SPATA21: variants seen among roughly 807,000 people sequenced by gnomAD.
SPATA21 encodes spermatogenesis associated 21.
SPATA21 carries 47 observed loss-of-function variants against 54.8 expected under a neutral mutation model. That is an observed-to-expected ratio of 0.86 (90% CI 0.68 to 1.09). The LOEUF is 1.09. SPATA21 is among the 50% of genes least tolerant of loss of function. The probability of loss-of-function intolerance (pLI) is 0.00; values close to 1 mark genes in which losing one functional copy is unlikely to be tolerated. For missense variants in SPATA21, 599 were observed against 596.4 expected (o/e 1.00, Z -0.05); for synonymous variants, 245 against 235.3 (o/e 1.04, Z -0.38).
intron 8 of SPATA21, among the ~76,000 whole-genome samples, chr1:16,404,549 G>T (rs2085565948): frequency 6.6e-6 from 1 of 152,202 alleles, no homozygotes; most frequent in Non-Finnish European, 1.5e-5. Context: ...GGGTGCGGTG[G>T]CTCACGCCTG....
chr1:16,414,893 C>CAAAAAAAAAAA (rs528947922), intron 5 of SPATA21, among the ~76,000 whole-genome samples: 24 of 74,322 alleles, frequency 3.2e-4, no homozygotes, highest in African/African-American at 6.2e-4. Context: ...AACCTCATCT[C>CAAAAAAAAAAA]AAAAAAAAAA....
At chr1:16,416,922 G>A (rs2086025601) in intron 5 of SPATA21, among the ~76,000 whole-genome samples, 1 of 152,202 alleles carries the variant, frequency 6.6e-6, no homozygotes, top group Non-Finnish European at 1.5e-5. Context: ...GCTTTCCTGA[G>A]CCTTGGGGCC....
chr1:16,420,092 T>C (rs74716457), intron 5 of SPATA21, among the ~76,000 whole-genome samples: 1 of 151,530 alleles, frequency 6.6e-6, no homozygotes, highest in Admixed American at 6.6e-5. Flanking sequence ...GGAGGGAGAC[T>C]GGGAAGGAGT....
At position 16,398,702 on chromosome 1, in the gene SPATA21, C is replaced by T; in HGVS notation, c.*63G>A. On this transcript the variant is annotated 3_prime_UTR_variant, in exon 13 of 13. Transcript: ENST00000335496. The stretch of plus-strand genomic sequence containing the variant: ...CAAAAGCAAATCCCAGCAGCAGCTC[C>T]TGCCTGGTGGCCCATCTGTCTACAG... The T allele has an allele frequency of 6.3e-7, 1 of 1,581,514 alleles. No individual in the cohort carries two copies. The highest frequency in any genetic ancestry group is 8.7e-7 in the Non-Finnish European group (1 of 1,151,052).
chr1:16,406,418 C>G (rs766820961), intron 7 of SPATA21, among the ~76,000 whole-genome samples: 10 of 152,170 alleles, frequency 6.6e-5, no homozygotes, highest in Non-Finnish European at 1.5e-4. Context: ...AGGGTGGGCC[C>G]TAATCCAATC....
At chr1:16,405,188 G>T (rs1165112198) in intron 7 of SPATA21, 84 bp from the exon 8 acceptor site, 74 of 1,524,254 alleles carry the variant, frequency 4.9e-5, no homozygotes, top group Non-Finnish European at 6.4e-5. Context: ...CCTCCTGCCA[G>T]CCTCCTCCAC....
chr1:16,424,582 T>A (rs1272658843), intron 3 of SPATA21, among the ~76,000 whole-genome samples: 1 of 151,844 alleles, frequency 6.6e-6, no homozygotes, highest in African/African-American at 2.4e-5. Context: ...CACATCCAGC[T>A]AACTTTGGTA....
chr1:16,407,672 C>G (rs372452248), intron 7 of SPATA21, among the ~76,000 whole-genome samples: 2 of 152,044 alleles, frequency 1.3e-5, no homozygotes, highest in Non-Finnish European at 2.9e-5. Flanking sequence ...GTTGGTCAGG[C>G]TGGTCTCGAA....
rs76123517 is a variant in SPATA21, at chr1:16,421,813, C to T, written c.95+98G>A. On this transcript the variant is annotated intron_variant, in intron 4 of 12. Transcript: ENST00000335496. This position sits in a 1 kb window ranked among gnomAD's most constrained non-coding sequence, Gnocchi z 5.2. The stretch of plus-strand genomic sequence containing the variant: ...GCATGACTTGCCCAAGGTCCTCTAC[C>T]AGGTCAGGAGCAGTCTGGACTAGAA... 13,188 of 1,570,058 alleles carry T rather than the reference C, an allele frequency of 8.4e-3. 821 individuals carry two copies. The African/African-American group carries it at 0.15, about 17-fold the overall frequency.
chr1:16,417,593 A>G (rs994323013), intron 5 of SPATA21, among the ~76,000 whole-genome samples: 1 of 151,896 alleles, frequency 6.6e-6, no homozygotes, highest in Non-Finnish European at 1.5e-5. Context: ...ACGCCTGGCT[A>G]ATTTTTTTGT....
At chr1:16,416,907 A>G (rs1024294105) in intron 5 of SPATA21, among the ~76,000 whole-genome samples, 2 of 152,186 alleles carry the variant, frequency 1.3e-5, no homozygotes, top group East Asian at 3.9e-4. Context: ...CCTCTGTCCC[A>G]GACAGCTTTC....
At position 16,437,226 on chromosome 1, in the gene SPATA21, C is replaced by T. The variant is rs2086607962; in HGVS notation, c.-285G>A. On this transcript the variant is annotated 5_prime_UTR_variant, in exon 1 of 13. Coordinates refer to ENST00000335496, the MANE Select transcript of SPATA21 (RefSeq NM_198546.1). ...TCTGAGCCTATACTTTGCCTGTTGG[C>T]TTGAATTGGATTTGTTTGGTATACA... The T allele has an allele frequency of 6.6e-6, 1 of 152,154 alleles. No individual in the cohort carries two copies. The highest frequency in any genetic ancestry group is 2.4e-5 in the African/African-American group (1 of 41,420). 9.4% of individuals were successfully genotyped at this position (152,154 alleles called of 1,614,324 possible).
At position 16,399,312 on chromosome 1, in the gene SPATA21, C is replaced by A. The variant is rs1035649689; in HGVS notation, c.1352+32G>T. 5 of 1,582,400 alleles carry A rather than the reference C, an allele frequency of 3.2e-6. No individual in the cohort carries two copies. The African/African-American group carries it at 6.8e-5, about 21-fold the overall frequency. On this transcript the variant is annotated intron_variant, in intron 12 of 12. Coordinates refer to ENST00000335496, the MANE Select transcript of SPATA21 (RefSeq NM_198546.1). ...CCTCTTAAGGAAGAATCTGGAAGGGCCTGGGCTGGGACCCTTTCTCTGGGC... is the reference window on the plus strand; with the variant it reads ...CCTCTTAAGGAAGAATCTGGAAGGGACTGGGCTGGGACCCTTTCTCTGGGC...
intron 3 of SPATA21, among the ~76,000 whole-genome samples, chr1:16,424,281 C>G (rs1259512884): frequency 1.6e-5 from 2 of 126,060 alleles, no homozygotes; most frequent in Admixed American, 8.5e-5. Flanking sequence ...CCACTGCACT[C>G]CAGCCTGGGC....
At chr1:16,415,527 A>G (rs973057951) in intron 5 of SPATA21, among the ~76,000 whole-genome samples, 3 of 152,118 alleles carry the variant, frequency 2.0e-5, no homozygotes, top group Non-Finnish European at 4.4e-5. Flanking sequence ...CAAGGTGGGT[A>G]GAAGTCTGTC....
chr1:16,412,981 A>C (rs2085895961), intron 5 of SPATA21, among the ~76,000 whole-genome samples: 1 of 151,326 alleles, frequency 6.6e-6, no homozygotes, highest in Non-Finnish European at 1.5e-5. Context: ...ACAAGGTTTC[A>C]CCATGTTGGC....
chr1:16,411,095 CTG>C (rs1481355237), intron 5 of SPATA21, among the ~76,000 whole-genome samples: 6 of 152,154 alleles, frequency 3.9e-5, no homozygotes, highest in African/African-American at 1.4e-4. Flanking sequence ...ATCAAAGACA[CTG>C]TGCTTACCAC....
chr1:16,403,772 AC>A lies in SPATA21; in HGVS notation c.955del (p.Val319Ter). 6.2e-7 allele frequency: 1 copy of A among 1,613,818 alleles called. No individual in the cohort carries two copies. Among genetic ancestry groups the A allele is most frequent in the South Asian group, 1.1e-5 (1 of 91,030 alleles). On this transcript the variant is annotated frameshift_variant, in exon 10 of 13. Coordinates refer to ENST00000335496, the MANE Select transcript of SPATA21 (RefSeq NM_198546.1). LOFTEE classifies it high-confidence loss of function. ...TGCCTCTGGTAAGGCCAGCATCTCT[AC>A]CAGCAGGGACAGGATCTCAAAGAGT... Reference protein sequence around the residue: ...TLLFEILSLLVEMLALPEAVL... With the variant: ...TLLFEILSLLXEMLALPEAVL...
At chr1:16,410,601 G>A (rs1215774067) in intron 5 of SPATA21, among the ~76,000 whole-genome samples, 1 of 152,146 alleles carries the variant, frequency 6.6e-6, no homozygotes, top group Non-Finnish European at 1.5e-5. Context: ...AGCAGAGATG[G>A]GGTTTTGCCA....
Sources: gnomAD v4.1 joint callset for allele counts (sites outside exome capture counted in the v4.1 genomes callset) on GRCh38, gnomAD v4.1.1 for gene constraint, Gnocchi (gnomAD v3.1) non-coding constraint, MANE v1.5 for transcripts, NCBI Gene and HGNC (gene_info 2026-07-23, HGNC 2026-07-21) for gene names.